Variants in HSPBAP1 observed in about 807,000 individuals in gnomAD.
HSPBAP1 encodes HSPB1 associated protein 1.
Under a neutral mutation model 45.2 loss-of-function variants are expected in HSPBAP1, and 27 were observed. The ratio of observed to expected loss-of-function variants is 0.60; its 90% CI spans 0.44 to 0.82. The LOEUF (loss-of-function observed/expected upper bound fraction) is 0.82, where lower values mean the gene tolerates loss of function less well. Ranked by LOEUF, HSPBAP1 falls within the 40% of genes least tolerant of loss-of-function variation. HSPBAP1 has a pLI of 0.00. For missense variants in HSPBAP1, 510 were observed against 590.9 expected (o/e 0.86, Z 1.42); for synonymous variants, 204 against 202.7 (o/e 1.01, Z -0.06).
At chr3:122,779,070 T>C (rs947452399) in intron 1 of HSPBAP1, among the ~76,000 whole-genome samples, 5 of 151,826 alleles carry the variant, frequency 3.3e-5, no homozygotes, top group Admixed American at 6.6e-5. Context: ...AGTCTCGCTC[T>C]GTCGCTCTGT....
chr3:122,780,792 C>T (rs1420759919), intron 1 of HSPBAP1, among the ~76,000 whole-genome samples: 1 of 145,598 alleles, frequency 6.9e-6, no homozygotes, highest in Non-Finnish European at 1.5e-5. Context: ...CTCCTCACTT[C>T]TCAGACGGGG....
At chr3:122,780,528 C>T (rs1222201660) in intron 1 of HSPBAP1, among the ~76,000 whole-genome samples, 18 of 135,282 alleles carry the variant, frequency 1.3e-4, no homozygotes, top group Middle Eastern at 4.0e-3. Flanking sequence ...ACCTCCCTCC[C>T]GGACGGGGCG....
chr3:122,783,415 T>A (rs1935555112), intron 1 of HSPBAP1, among the ~76,000 whole-genome samples: 1 of 152,206 alleles, frequency 6.6e-6, no homozygotes, highest in Non-Finnish European at 1.5e-5. Flanking sequence ...ACACCCACAT[T>A]TTTTTATTAT....
chr3:122,791,998 TG>T, intron 1 of HSPBAP1, among the ~76,000 whole-genome samples: 1 of 152,324 alleles, frequency 6.6e-6, no homozygotes, highest in South Asian at 2.1e-4. Flanking sequence ...GTGGATGATT[TG>T]AAGTACGGTC....
intron 2 of HSPBAP1, among the ~76,000 whole-genome samples, chr3:122,774,982 T>A (rs1935139432): frequency 6.6e-6 from 1 of 152,208 alleles, no homozygotes; most frequent in South Asian, 2.1e-4. Flanking sequence ...TTCACTACAG[T>A]CTTTTTAAAA....
rs1934481918 is a variant in HSPBAP1, at chr3:122,759,307, T to C, written c.486A>G (p.Thr162=). The stretch of plus-strand genomic sequence containing the variant: ...GGGCTCCCAAGGAGCCAATCCACAA[T>C]GTACTTTCCTGTCCATTTCTTCCAG... ...GFPGRNGQES[T]LWIGSLGAHT... Residue 162 remains threonine, a synonymous_variant, in exon 4 of 8, where the codon ACA becomes ACG. Coordinates refer to ENST00000306103, the MANE Select transcript of HSPBAP1 (RefSeq NM_024610.6). The C allele has an allele frequency of 1.9e-6, 3 of 1,613,766 alleles. No homozygotes were observed. The highest frequency in any genetic ancestry group is 1.1e-5 in the South Asian group (1 of 91,076).
intron 4 of HSPBAP1, among the ~76,000 whole-genome samples, chr3:122,757,757 G>A (rs138037747): frequency 3.8e-4 from 58 of 152,312 alleles, no homozygotes; most frequent in Non-Finnish European, 7.1e-4. Flanking sequence ...AAAATAAAGT[G>A]ATATTAACTT....
chr3:122,740,512 G>T lies in HSPBAP1; in HGVS notation c.1300C>A (p.Gln434Lys), dbSNP rs758633219. 1.2e-6 allele frequency: 2 copies of T among 1,614,160 alleles called. No individual in the cohort carries two copies. Among genetic ancestry groups the T allele is most frequent in the Non-Finnish European group, 1.7e-6 (2 of 1,180,036 alleles). The stretch of plus-strand genomic sequence containing the variant: ...TTTTCACTGTTGCTCATTATTTGTT[G>T]TCTCTTGGCACAATGCAATTTTCCA... Reference protein sequence around the residue: ...HFGKLHCAKRQQIMSNSENAI... With the variant: ...HFGKLHCAKRKQIMSNSENAI... Residue 434 changes from glutamine (Q) to lysine (K), a missense_variant, in exon 8 of 8, where the codon CAA (glutamine) becomes AAA (lysine). Transcript: ENST00000306103.
In HSPBAP1 at chr3:122,793,651, A is replaced by G; in HGVS notation, c.30T>C (p.Pro10=). MAAGSEATT[P]VIVAAGAGGE... ...CTCCAGCCCCAGCCGCAACGATCAC[A>G]GGAGTGGTCGCCTCGGAGCCTGCTG... Residue 10 remains proline, a synonymous_variant, in exon 1 of 8, where the codon CCT becomes CCC. Coordinates refer to ENST00000306103, the MANE Select transcript of HSPBAP1 (RefSeq NM_024610.6). 1 of 1,613,928 alleles carries G rather than the reference A, an allele frequency of 6.2e-7. No homozygotes were observed. Among genetic ancestry groups the G allele is most frequent in the Non-Finnish European group, 8.5e-7 (1 of 1,180,006 alleles).
Position 122,747,447 on chromosome 3 carries a change from C to G in HSPBAP1, c.825+5144G>C, listed in dbSNP as rs563976217. Among the ~76,000 whole-genome samples the G allele has an allele frequency of 5.0e-4, 76 of 151,728 alleles. No homozygotes were observed. The South Asian group carries it at 8.5e-3, about 17-fold the overall frequency. ...ACCACACCGTCTGGGAAGTGAGGAG[C>G]GTCTCCGCCCGGCCAGCCGCCCTGT... is the stretch of plus-strand genomic sequence containing the variant. On this transcript the variant is annotated intron_variant, in intron 6 of 7. Transcript: ENST00000306103.
In HSPBAP1 at chr3:122,740,266, G is replaced by A; in HGVS notation, c.*79C>T. ...CAAATGTGCAAACTGACCTTTTGCTGGTTCATCTTTATTTTAGTCATACTA... is the reference window on the plus strand; with the variant it reads ...CAAATGTGCAAACTGACCTTTTGCTAGTTCATCTTTATTTTAGTCATACTA... On this transcript the variant is annotated 3_prime_UTR_variant, in exon 8 of 8. Coordinates refer to ENST00000306103, the MANE Select transcript of HSPBAP1 (RefSeq NM_024610.6). The A allele has an allele frequency of 1.1e-6, 1 of 885,866 alleles. No individual in the cohort carries two copies. The highest frequency in any genetic ancestry group is 1.6e-6 in the Non-Finnish European group (1 of 626,918). The allele number at this position is 885,866 out of a possible 1,614,324, so 54.9% of individuals were successfully genotyped here. A position where few individuals can be genotyped will look rare whatever the true frequency, so the allele number is the denominator to read the frequency against.
At chr3:122,779,192 C>T (rs973542006) in intron 1 of HSPBAP1, among the ~76,000 whole-genome samples, 1 of 152,008 alleles carries the variant, frequency 6.6e-6, no homozygotes, top group Non-Finnish European at 1.5e-5. Context: ...CAGGCACCCG[C>T]CACCTCGCCA....
At chr3:122,780,532 C>A (rs1219432074) in intron 1 of HSPBAP1, among the ~76,000 whole-genome samples, 2 of 136,234 alleles carry the variant, frequency 1.5e-5, no homozygotes, top group African/African-American at 3.1e-5. Flanking sequence ...CCCTCCCGGA[C>A]GGGGCGGCTG....
At chr3:122,793,176 C>T (rs1341161149) in intron 1 of HSPBAP1, among the ~76,000 whole-genome samples, 1 of 152,198 alleles carries the variant, frequency 6.6e-6, no homozygotes, top group Non-Finnish European at 1.5e-5. Context: ...GCTCATGGGC[C>T]TCCAAACCTC....
Position 122,765,292 on chromosome 3 carries a change from C to A in HSPBAP1, c.432+3409G>T, listed in dbSNP as rs993763640. ...GTTAATTATATTATTTTAAAAGTTG[C>A]ATTTTTGGCTGGGCATGATGGCTCA... On this transcript the variant is annotated intron_variant, in intron 3 of 7. Coordinates refer to ENST00000306103, the MANE Select transcript of HSPBAP1 (RefSeq NM_024610.6). Among the ~76,000 whole-genome samples, 17 of 152,212 alleles carry A rather than the reference C, an allele frequency of 1.1e-4. 1 individual carries two copies. The East Asian group carries it at 1.2e-3, about 10-fold the overall frequency.
chr3:122,781,129 C>G (rs372961387), intron 1 of HSPBAP1, among the ~76,000 whole-genome samples: 2 of 150,972 alleles, frequency 1.3e-5, no homozygotes, highest in Non-Finnish European at 3.0e-5. Context: ...CAGGCAGAGA[C>G]GCTCCTCACT....
At chr3:122,744,654 T>C (rs1225927405) in intron 6 of HSPBAP1, among the ~76,000 whole-genome samples, 1 of 152,236 alleles carries the variant, frequency 6.6e-6, no homozygotes, top group Non-Finnish European at 1.5e-5. Context: ...TTAGCTACCA[T>C]ACTTCTAAGT....
chr3:122,790,251 T>C (rs6806517), intron 1 of HSPBAP1, among the ~76,000 whole-genome samples: 150,845 of 152,298 alleles, frequency 0.99, 74,729 homozygotes, highest in Middle Eastern at 1. Context: ...CTGAAACCCA[T>C]GATTTCCCTC....
intron 6 of HSPBAP1, among the ~76,000 whole-genome samples, chr3:122,751,111 C>T (rs1366070191): frequency 6.6e-6 from 1 of 152,124 alleles, no homozygotes; most frequent in Non-Finnish European, 1.5e-5. Context: ...TATTTAGGAT[C>T]GAGATCATGT....
Sources: gnomAD v4.1 joint callset for allele counts (sites outside exome capture counted in the v4.1 genomes callset) on GRCh38, gnomAD v4.1.1 for gene constraint, MANE v1.5 for transcripts, NCBI Gene and HGNC (gene_info 2026-07-23, HGNC 2026-07-21) for gene names.